MFHAS1: variants seen among roughly 807,000 people sequenced by gnomAD.
The protein encoded by MFHAS1 is malignant fibrous histiocytoma-amplified sequence 1.
Under a neutral mutation model 70.4 loss-of-function variants are expected in MFHAS1, and 50 were observed. That is an observed-to-expected ratio of 0.71 (90% CI 0.57 to 0.90). MFHAS1 has a LOEUF of 0.90. Ranked by LOEUF, MFHAS1 falls within the 40% of genes least tolerant of loss-of-function variation. The probability of loss-of-function intolerance (pLI) is 0.00; values close to 1 mark genes in which losing one functional copy is unlikely to be tolerated. For synonymous variants in MFHAS1, 952 were observed against 620.0 expected, an observed-to-expected ratio of 1.54 and a Z score of -7.96; for missense variants, 1,795 against 1,347.6, an observed-to-expected ratio of 1.33 and a Z score of -5.20.
At chr8:8,888,748 C>A (rs1809869879) in intron 1 of MFHAS1, among the ~76,000 whole-genome samples, 1 of 152,118 alleles carries the variant, frequency 6.6e-6, no homozygotes, top group Non-Finnish European at 1.5e-5. Flanking sequence ...AGCAGTAGAA[C>A]TACTCTGTAT....
chr8:8,835,594 T>G (rs1214752280), intron 1 of MFHAS1, among the ~76,000 whole-genome samples: 1 of 152,216 alleles, frequency 6.6e-6, no homozygotes, highest in Non-Finnish European at 1.5e-5. Context: ...TGTGAACAAT[T>G]TTTTCAACAA....
chr8:8,863,256 G>C (rs1248754338), intron 1 of MFHAS1, among the ~76,000 whole-genome samples: 3 of 152,322 alleles, frequency 2.0e-5, no homozygotes, highest in African/African-American at 4.8e-5. Flanking sequence ...AAATCAGGCA[G>C]TGTAACTTAG....
intron 1 of MFHAS1, among the ~76,000 whole-genome samples, chr8:8,844,198 G>T (rs1194664063): frequency 6.6e-6 from 1 of 152,100 alleles, no homozygotes; most frequent in East Asian, 1.9e-4. Flanking sequence ...AAAGAAACAG[G>T]AAAAATCAAC....
rs1809233226 is a variant in MFHAS1 at position 8,874,940 on chromosome 8, CAGA to C, written c.2998+15118_2998+15120del. Among the ~76,000 whole-genome samples the C allele has an allele frequency of 2.0e-5, 3 of 150,534 alleles. No homozygotes were observed. In the South Asian group the frequency reaches 6.4e-4, roughly 32 times the overall value. On this transcript the variant is annotated intron_variant, in intron 1 of 2. Coordinates refer to ENST00000276282, the MANE Select transcript of MFHAS1 (RefSeq NM_004225.3). ...AAAAGAAAAACCACCAAGATGATGC[CAGA>C]AGATGTTATTAGAGGATTCAGAAAA...
chr8:8,877,801 T>C lies in MFHAS1; in HGVS notation c.2998+12260A>G, dbSNP rs58019553. ...AAAGGGACAGGCTAGAACAATGCTT[T>C]TAAAACTCTAGTTGATGGGCCAGTG... On this transcript the variant is annotated intron_variant, in intron 1 of 2. Transcript: ENST00000276282. Among the ~76,000 whole-genome samples, 1,136 of 152,318 alleles carry C rather than the reference T, an allele frequency of 7.5e-3. 21 individuals carry two copies. The highest frequency in any genetic ancestry group is 0.026 in the African/African-American group (1,092 of 41,576).
intron 1 of MFHAS1, among the ~76,000 whole-genome samples, chr8:8,835,657 C>T (rs1807570680): frequency 6.6e-6 from 1 of 152,202 alleles, no homozygotes; most frequent in African/African-American, 2.4e-5. Context: ...CTCACTTCCT[C>T]AGGATTCCTG....
chr8:8,870,130 AAGTGTTAGCT>A (rs1243995095), intron 1 of MFHAS1, among the ~76,000 whole-genome samples: 1 of 152,078 alleles, frequency 6.6e-6, no homozygotes, highest in Non-Finnish European at 1.5e-5. Context: ...TCTGGTGAAA[AAGTGTTAGCT>A]AGTGAATAGA....
chr8:8,815,134 G>C (rs965564177), intron 1 of MFHAS1, among the ~76,000 whole-genome samples: 1 of 152,096 alleles, frequency 6.6e-6, no homozygotes, highest in African/African-American at 2.4e-5. Flanking sequence ...TTCTGTTCCT[G>C]TGTTAGTTTG....
chr8:8,893,064 G>T lies in MFHAS1; in HGVS notation c.-6C>A. Reference sequence around the variant, plus strand: ...CCACTGTCCATCCCAGCCATGGCGGGGCCCCGGGCCGACAGCCTCACGCGG... The same window carrying T: ...CCACTGTCCATCCCAGCCATGGCGGTGCCCCGGGCCGACAGCCTCACGCGG... On this transcript the variant is annotated 5_prime_UTR_variant, in exon 1 of 3. Transcript: ENST00000276282. The T allele has an allele frequency of 6.8e-7, 1 of 1,479,058 alleles. No individual in the cohort carries two copies. Among genetic ancestry groups the T allele is most frequent in the Non-Finnish European group, 8.9e-7 (1 of 1,123,838 alleles). The allele number at this position is 1,479,058 out of a possible 1,614,324, so 91.6% of individuals were successfully genotyped here.
At position 8,893,066 on chromosome 8, in the gene MFHAS1, C is replaced by A. The variant is rs576766983; in HGVS notation, c.-8G>T. 3 of 1,476,868 alleles carry A rather than the reference C, an allele frequency of 2.0e-6. No homozygotes were observed. Among genetic ancestry groups the A allele is most frequent in the East Asian group, 2.9e-5 (1 of 34,436 alleles). 91.5% of individuals were successfully genotyped at this position (1,476,868 alleles called of 1,614,324 possible). A position where few individuals can be genotyped will look rare whatever the true frequency, so the allele number is the denominator to read the frequency against. On this transcript the variant is annotated 5_prime_UTR_variant, in exon 1 of 3. Transcript: ENST00000276282. ...ACTGTCCATCCCAGCCATGGCGGGG[C>A]CCCGGGCCGACAGCCTCACGCGGAC... is the stretch of plus-strand genomic sequence containing the variant.
At chr8:8,876,629 G>A (rs539823153) in intron 1 of MFHAS1, among the ~76,000 whole-genome samples, 46 of 151,834 alleles carry the variant, frequency 3.0e-4, no homozygotes, top group African/African-American at 1.0e-3. Context: ...CTCCCGCCTC[G>A]GCCTCCCAAA....
chr8:8,804,803 C>T (rs1160969002), intron 1 of MFHAS1, among the ~76,000 whole-genome samples: 4 of 152,236 alleles, frequency 2.6e-5, no homozygotes, highest in East Asian at 1.9e-4. Flanking sequence ...ACACTGGGCA[C>T]GGATGACGGG....
At chr8:8,855,353 G>A (rs953667493) in intron 1 of MFHAS1, among the ~76,000 whole-genome samples, 2 of 152,210 alleles carry the variant, frequency 1.3e-5, no homozygotes, top group Non-Finnish European at 2.9e-5. Context: ...TCATTGTCTG[G>A]TGAAAGAGCC....
At chr8:8,886,894 G>C (rs1809775377) in intron 1 of MFHAS1, among the ~76,000 whole-genome samples, 1 of 152,188 alleles carries the variant, frequency 6.6e-6, no homozygotes, top group African/African-American at 2.4e-5. Flanking sequence ...GCGAGACTGA[G>C]GTGGGTGGAT....
At chr8:8,889,982 C>T (rs1397166973) in intron 1 of MFHAS1, 79 bp downstream of exon 1, 3 of 1,222,776 alleles carry the variant, frequency 2.5e-6, no homozygotes, top group Non-Finnish European at 3.4e-6. Flanking sequence ...AACAAACATT[C>T]TGCCAAATGA....
At chr8:8,792,184 C>T (rs1423234283) in intron 2 of MFHAS1, among the ~76,000 whole-genome samples, 4 of 150,682 alleles carry the variant, frequency 2.7e-5, no homozygotes, top group African/African-American at 9.9e-5. Context: ...TTGCAGTGAG[C>T]CGAGATCATG....
At chr8:8,850,723 G>A (rs1808213558) in intron 1 of MFHAS1, among the ~76,000 whole-genome samples, 1 of 150,960 alleles carries the variant, frequency 6.6e-6, no homozygotes, top group Non-Finnish European at 1.5e-5. Flanking sequence ...TAATCAGGAG[G>A]CTGAAGCAGG....
Position 8,892,075 on chromosome 8 carries a change from A to G in MFHAS1, c.984T>C (p.Asn328=). 6.2e-7 allele frequency: 1 copy of G among 1,613,128 alleles called. No homozygotes were observed. The highest frequency in any genetic ancestry group is 8.5e-7 in the Non-Finnish European group (1 of 1,179,972). ...LGRLLTLWLD[N]NRIRYLPDSI... ...AGTCCGGCAGGTAGCGGATGCGGTT[A>G]TTATCCAGCCACAAGGTGAGAAGCC... The change falls in exon 1 of 3, where the codon AAT becomes AAC. Residue 328 remains asparagine, a synonymous_variant. Coordinates refer to ENST00000276282, the MANE Select transcript of MFHAS1 (RefSeq NM_004225.3). The surrounding 1 kb of genome is among the most constrained non-coding windows in gnomAD (Gnocchi z 4.7).
chr8:8,862,775 C>A (rs1367177672), intron 1 of MFHAS1, among the ~76,000 whole-genome samples: 1 of 152,160 alleles, frequency 6.6e-6, no homozygotes, highest in African/African-American at 2.4e-5. Context: ...ACCAGTCCCA[C>A]TGTGGTTGGG....
Sources: allele counts gnomAD v4.1 joint callset (sites outside exome capture counted in the v4.1 genomes callset), GRCh38; gene constraint gnomAD v4.1.1; non-coding constraint Gnocchi (gnomAD v3.1); transcripts MANE v1.5; gene names NCBI Gene and HGNC (gene_info 2026-07-23, HGNC 2026-07-21).